Variants in TBCE observed in about 807,000 individuals in gnomAD.
TBCE encodes tubulin folding cofactor E, also known as tubulin-specific chaperone E.
A neutral mutation model predicts 77.0 loss-of-function variants in TBCE; 53 were observed. The ratio of observed to expected loss-of-function variants is 0.69; its 90% confidence interval spans 0.55 to 0.87. The LOEUF is 0.87. TBCE is among the 40% of genes least tolerant of loss of function. TBCE has a pLI of 0.00. For missense variants in TBCE, 624 were observed against 622.4 expected, an observed-to-expected ratio of 1.00 and a Z score of -0.03; for synonymous variants, 235 against 241.3, an observed-to-expected ratio of 0.97 and a Z score of 0.24.
At chr1:235,371,519 C>T (rs527608160) in intron 1 of TBCE, among the ~76,000 whole-genome samples, 5 of 149,448 alleles carry the variant, frequency 3.3e-5, no homozygotes, top group South Asian at 4.2e-4. Flanking sequence ...GGATTATACG[C>T]GTGTGCCACC....
At chr1:235,380,187 G>A in intron 2 of TBCE, 38 bp downstream of exon 2, 2 of 1,331,654 alleles carry the variant, frequency 1.5e-6, no homozygotes, top group African/African-American at 1.6e-5. Context: ...GTGTGTGTGT[G>A]TGTGTGTGTG....
At chr1:235,423,458 T>C (rs773649723) in intron 5 of TBCE, among the ~76,000 whole-genome samples, 2 of 152,126 alleles carry the variant, frequency 1.3e-5, no homozygotes, top group Non-Finnish European at 2.9e-5. Context: ...CTTAAACCCT[T>C]CCTCAGCAGC....
chr1:235,428,113 A>C (rs996735543), intron 6 of TBCE, among the ~76,000 whole-genome samples: 2 of 151,802 alleles, frequency 1.3e-5, no homozygotes, highest in Non-Finnish European at 2.9e-5. Context: ...TCATGAGGTC[A>C]GGAGATCGAG....
chr1:235,421,085 T>C (rs6696273), intron 5 of TBCE, among the ~76,000 whole-genome samples: 10,178 of 152,228 alleles, frequency 0.067, 633 homozygotes, highest in African/African-American at 0.17. Context: ...CTTTTTTGCC[T>C]GTAAGCAAAA....
At chr1:235,430,931 A>G in intron 7 of TBCE, 127 bp downstream of exon 7, 1 of 806,246 alleles carries the variant, frequency 1.2e-6, no homozygotes. Context: ...GTATCTATTA[A>G]TAGATAACAA....
chr1:235,443,063 A>G (rs1023417051), intron 15 of TBCE, 152 bp downstream of exon 15: 14 of 766,746 alleles, frequency 1.8e-5, no homozygotes, highest in Admixed American at 4.8e-5. Context: ...AATACAATCA[A>G]TCATGCTAAT....
At chr1:235,444,908 G>A (rs867099662) in intron 15 of TBCE, among the ~76,000 whole-genome samples, 3 of 152,262 alleles carry the variant, frequency 2.0e-5, no homozygotes, top group African/African-American at 7.2e-5. Flanking sequence ...AAGGCCTGCC[G>A]TCTGGGCATA....
intron 13 of TBCE, chr1:235,440,810 G>A (rs967758220): frequency 6.6e-6 from 1 of 152,184 alleles, no homozygotes; most frequent in South Asian, 2.1e-4. Flanking sequence ...CTGGCACTTG[G>A]CATGCACGGT....
intron 1 of TBCE, among the ~76,000 whole-genome samples, chr1:235,368,746 A>C (rs1181844538): frequency 6.8e-6 from 1 of 147,640 alleles, no homozygotes; most frequent in African/African-American, 2.5e-5. Context: ...TTGTATTTGT[A>C]GTAGAGATGG....
At chr1:235,373,479 T>A (rs1677099632) in intron 1 of TBCE, among the ~76,000 whole-genome samples, 1 of 152,008 alleles carries the variant, frequency 6.6e-6, no homozygotes, top group Non-Finnish European at 1.5e-5. Context: ...AGTCTCACTC[T>A]GTGGCCCAGT....
In TBCE at chr1:235,449,030, TTTAAATA is replaced by T; in HGVS notation, c.*276_*282del. Reference sequence around the variant, plus strand: ...CTCATCACTGCATTTCATGATAAGATTTAAATATTAAATAGAAAGAAACTAGCTAGCC... The same window carrying T: ...CTCATCACTGCATTTCATGATAAGATTTAAATAGAAAGAAACTAGCTAGCC... On this transcript the variant is annotated 3_prime_UTR_variant, in exon 17 of 17. Coordinates refer to ENST00000642610, the MANE Select transcript of TBCE (RefSeq NM_003193.5). 2.7e-6 allele frequency: 1 copy of T among 365,884 alleles called. No homozygotes were observed. The highest frequency in any genetic ancestry group is 4.1e-5 in the Admixed American group (1 of 24,650). 22.7% of individuals were successfully genotyped at this position (365,884 alleles called of 1,614,324 possible). A position where few individuals can be genotyped will look rare whatever the true frequency, so the allele number is the denominator to read the frequency against.
At chr1:235,436,512 T>C in intron 10 of TBCE, 32 bp from the exon 11 acceptor site, 1 of 1,612,622 alleles carries the variant, frequency 6.2e-7, no homozygotes, top group Non-Finnish European at 8.5e-7. Flanking sequence ...TACTTTCACT[T>C]CTACTGTGTA....
At chr1:235,419,351 T>TA (rs1680265496) in intron 4 of TBCE, 122 bp from the exon 5 acceptor site, 8 of 1,382,092 alleles carry the variant, frequency 5.8e-6, no homozygotes, top group Non-Finnish European at 8.1e-6. Context: ...GGGTGGTGGT[T>TA]ACTGGTATTT....
intron 13 of TBCE, among the ~76,000 whole-genome samples, chr1:235,439,335 CA>C (rs564864054): frequency 0.022 from 3,035 of 140,946 alleles, 60 homozygotes; most frequent in Non-Finnish European, 0.032. Flanking sequence ...ACTAAAAATA[CA>C]AAAAAAAAAA....
In TBCE at chr1:235,436,597, C is replaced by T. The variant is rs1558388977; in HGVS notation, c.952C>T (p.Gln318Ter). The T allele has an allele frequency of 6.2e-7, 1 of 1,613,814 alleles. No individual in the cohort carries two copies. The highest frequency in any genetic ancestry group is 8.5e-7 in the Non-Finnish European group (1 of 1,179,692). The change falls in exon 11 of 17, where the codon CAG (glutamine) becomes TAG (stop). Residue 318 changes from glutamine to a stop codon, truncating the protein, a stop_gained. Coordinates refer to ENST00000642610, the MANE Select transcript of TBCE (RefSeq NM_003193.5). LOFTEE classifies it high-confidence loss of function. ...SLKYLVVNDN[Q>*]ISQWSFFNEL... ...GAAGTACCTGGTAGTAAACGACAATCAGATATCACAAGTAAGAGCTGCTCG... is the reference window on the plus strand; with the variant it reads ...GAAGTACCTGGTAGTAAACGACAATTAGATATCACAAGTAAGAGCTGCTCG...
intron 15 of TBCE, among the ~76,000 whole-genome samples, chr1:235,447,159 T>TTAA (rs1682399560): frequency 6.6e-6 from 1 of 152,220 alleles, no homozygotes; most frequent in Non-Finnish European, 1.5e-5. Context: ...GAGCAAATTG[T>TTAA]TAATTAAAAT....
chr1:235,441,791 A>C (rs776558799), intron 13 of TBCE, 23 bp from the exon 14 acceptor site: 2 of 1,610,470 alleles, frequency 1.2e-6, no homozygotes. Flanking sequence ...TTTATCATTC[A>C]TCTCTTTTGC....
Position 235,442,911 on chromosome 1 carries a change from G to C in TBCE, c.1399G>C (p.Gly467Arg). The change falls in exon 15 of 17, where the codon GGC (glycine) becomes CGC (arginine). Residue 467 changes from glycine to arginine, a missense_variant and splice_region_variant. Gly to Arg is a moderately radical substitution (Grantham distance 125). Coordinates refer to ENST00000642610, the MANE Select transcript of TBCE (RefSeq NM_003193.5). ...GAAAGTCCTGGAGAAACAACTGCCG[G>C]GTAAGAAGAACCAGCCTGTCTTTTC... ...DQKVLEKQLPGSMTIQKVKGL... is the reference protein window; with the variant it reads ...DQKVLEKQLPRSMTIQKVKGL... The C allele has an allele frequency of 6.2e-7, 1 of 1,613,920 alleles. No individual in the cohort carries two copies. The highest frequency in any genetic ancestry group is 8.5e-7 in the Non-Finnish European group (1 of 1,179,952).
chr1:235,414,750 T>C, intron 4 of TBCE, 132 bp downstream of exon 4: 2 of 850,112 alleles, frequency 2.4e-6, no homozygotes, highest in South Asian at 1.5e-5. Flanking sequence ...AGAAACGGAA[T>C]CAAAATCTGA....
Sources: allele counts gnomAD v4.1 joint callset (sites outside exome capture counted in the v4.1 genomes callset), GRCh38; gene constraint gnomAD v4.1.1; transcripts MANE v1.5; gene names NCBI Gene and HGNC (gene_info 2026-07-23, HGNC 2026-07-21).